YWHAZ: variants seen among roughly 807,000 people sequenced by gnomAD.
YWHAZ encodes tyrosine 3-monooxygenase/tryptophan 5-monooxygenase activation protein zeta, also known as 14-3-3 protein zeta/delta.
For synonymous variants in YWHAZ, 87 were observed against 103.6 expected (o/e 0.84, Z 0.97); for missense variants, 79 against 284.8 (o/e 0.28, Z 5.20).
Position 100,948,214 on chromosome 8 carries a change from C to G in YWHAZ, c.294+382G>C. ...CTACAATGAGTATCCTATTACATCT[C>G]TCTTACCTAAAGTATGTAAAATTCC... On this transcript the variant is annotated intron_variant, in intron 2 of 5. Transcript: ENST00000395958. The surrounding 1 kb of genome is among the most constrained non-coding windows in gnomAD (Gnocchi z 4.2). 7.5e-7 allele frequency: 1 copy of G among 1,326,876 alleles called. No homozygotes were observed. The highest frequency in any genetic ancestry group is 1.0e-6 in the Non-Finnish European group (1 of 981,974). The allele number at this position is 1,326,876 out of a possible 1,614,324, so 82.2% of individuals were successfully genotyped here. A position where few individuals can be genotyped will look rare whatever the true frequency, so the allele number is the denominator to read the frequency against.
At chr8:100,951,268 G>C in intron 1 of YWHAZ, 2 of 984,784 alleles carry the variant, frequency 2.0e-6, no homozygotes, top group Non-Finnish European at 2.4e-6. Context: ...CCTGGGCTCC[G>C]GCCCGCTCTC....
chr8:100,951,175 C>CA, intron 1 of YWHAZ: 1 of 985,324 alleles, frequency 1.0e-6, no homozygotes, highest in Non-Finnish European at 1.2e-6. Context: ...AGCCCCACCC[C>CA]AAAACCTCAC....
chr8:100,952,120 C>G, upstream of YWHAZ: 1 of 986,424 alleles, frequency 1.0e-6, no homozygotes, highest in Non-Finnish European at 1.2e-6. Context: ...ACGATGACGT[C>G]AAACGCTGCT....
At position 100,948,701 on chromosome 8, in the gene YWHAZ, T is replaced by C. The variant is rs1810487341; in HGVS notation, c.189A>G (p.Ser63=). The C allele has an allele frequency of 3.1e-6, 5 of 1,602,346 alleles. No individual in the cohort carries two copies. The highest frequency in any genetic ancestry group is 2.7e-5 in the African/African-American group (2 of 74,978). The part of the protein sequence containing the change: ...GARRSSWRVV[S]SIEQKTEGAE... The stretch of plus-strand genomic sequence containing the variant: ...CACCTTCCGTCTTTTGTTCAATACT[T>C]GAGACGACCCTCCAAGATGACCTAC... The change falls in exon 2 of 6, where the codon TCA becomes TCG. Residue 63 remains serine (S), a synonymous_variant. Transcript: ENST00000395958. This position sits in a 1 kb window ranked among gnomAD's most constrained non-coding sequence, Gnocchi z 4.2.
chr8:100,929,198 T>C (rs926747682), intron 2 of YWHAZ, among the ~76,000 whole-genome samples: 3 of 149,990 alleles, frequency 2.0e-5, no homozygotes, highest in Admixed American at 6.6e-5. Context: ...ACCTCAAACA[T>C]TGATTTTTTT....
At chr8:100,923,277 G>A (rs1460655434) in intron 5 of YWHAZ, 2 of 152,006 alleles carry the variant, frequency 1.3e-5, no homozygotes, top group East Asian at 3.8e-4. Flanking sequence ...TTCAAATCTA[G>A]TATTTATCTG....
At chr8:100,936,208 C>T (rs1201899248) in intron 2 of YWHAZ, among the ~76,000 whole-genome samples, 1 of 152,124 alleles carries the variant, frequency 6.6e-6, no homozygotes, top group Non-Finnish European at 1.5e-5. Context: ...CCTATTTTCC[C>T]CTTTGAAGAA....
chr8:100,924,782 G>A lies in YWHAZ; in HGVS notation c.418+134C>T, dbSNP rs1279420097. On this transcript the variant is annotated intron_variant, in intron 3 of 5. Transcript: ENST00000395958. The surrounding 1 kb of genome is among the most constrained non-coding windows in gnomAD (Gnocchi z 5.7). ...ATGAGGCAGTAGATGTGTATTCTCA[G>A]AACACAAAGAGCACTGCTACTCCTT... 3 of 1,129,762 alleles carry A rather than the reference G, an allele frequency of 2.7e-6. No individual in the cohort carries two copies. The highest frequency in any genetic ancestry group is 2.5e-5 in the East Asian group (1 of 40,504). 70.0% of individuals were successfully genotyped at this position (1,129,762 alleles called of 1,614,324 possible).
Position 100,947,110 on chromosome 8 carries a change from C to T in YWHAZ, c.294+1486G>A, listed in dbSNP as rs570660734. On this transcript the variant is annotated intron_variant, in intron 2 of 5. Coordinates refer to ENST00000395958, the MANE Select transcript of YWHAZ (RefSeq NM_145690.3). ...CTACTAAAAATACAAAAAAATTAGC[C>T]GGGCGCAGTGGCAGGCGCCTGTAGT... 2.0e-4 allele frequency among the ~76,000 whole-genome samples: 30 copies of T among 151,644 alleles called. No homozygotes were observed. In the East Asian group the frequency reaches 5.4e-3, roughly 27 times the overall value.
chr8:100,940,042 G>C (rs1814517630), intron 2 of YWHAZ, among the ~76,000 whole-genome samples: 1 of 131,654 alleles, frequency 7.6e-6, no homozygotes, highest in Non-Finnish European at 1.6e-5. Flanking sequence ...CAGCCTGGGG[G>C]ACAGAGCGAG....
At position 100,918,444 on chromosome 8, in the gene YWHAZ, A is replaced by ATATATATATAT. The variant is rs57486163; in HGVS notation, c.*2248_*2249insATATATATATA. The ATATATATATAT allele has an allele frequency of 1.6e-3, 179 of 108,700 alleles. No homozygotes were observed. The highest frequency in any genetic ancestry group is 2.0e-3 in the Non-Finnish European group (106 of 53,600). The allele number at this position is 108,700 out of a possible 1,614,324, so 6.7% of individuals were successfully genotyped here. A position where few individuals can be genotyped will look rare whatever the true frequency, so the allele number is the denominator to read the frequency against. On this transcript the variant is annotated 3_prime_UTR_variant, in exon 6 of 6. Transcript: ENST00000395958. ...TATATATATATATATATATATATAT[A>ATATATATATAT]ATTATTTTACCTCCTTGGCTTGGGG... is the stretch of plus-strand genomic sequence containing the variant.
intron 2 of YWHAZ, among the ~76,000 whole-genome samples, chr8:100,934,343 A>G (rs1207713725): frequency 1.3e-5 from 2 of 149,630 alleles, no homozygotes; most frequent in East Asian, 2.0e-4. Context: ...TTTTTTTAAA[A>G]GGAGGGTCTG....
In YWHAZ at chr8:100,948,094, A is replaced by G. The variant is rs375939289; in HGVS notation, c.294+502T>C. On this transcript the variant is annotated intron_variant, in intron 2 of 5. Coordinates refer to ENST00000395958, the MANE Select transcript of YWHAZ (RefSeq NM_145690.3). This position sits in a 1 kb window ranked among gnomAD's most constrained non-coding sequence, Gnocchi z 4.2. Reference sequence around the variant, plus strand: ...AAATTTACCTTCAAGAATTCAATGCAGGAAGAGGTTTCATAGTTGTGACGC... The same window carrying G: ...AAATTTACCTTCAAGAATTCAATGCGGGAAGAGGTTTCATAGTTGTGACGC... The G allele has an allele frequency of 1.3e-6, 2 of 1,534,622 alleles. No homozygotes were observed. Among genetic ancestry groups the G allele is most frequent in the Non-Finnish European group, 1.7e-6 (2 of 1,146,548 alleles).
At chr8:100,933,821 AATATAGCAAGACCCCATCTCT>A (rs773740140) in intron 2 of YWHAZ, among the ~76,000 whole-genome samples, 1 of 152,116 alleles carries the variant, frequency 6.6e-6, no homozygotes, top group Non-Finnish European at 1.5e-5. Context: ...CAGCCTAAGC[AATATAGCAAGACCCCATCTCT>A]ACTAAAAATA....
upstream of YWHAZ, chr8:100,952,922 T>A: frequency 5.0e-6 from 5 of 999,818 alleles, no homozygotes; most frequent in Non-Finnish European, 6.0e-6. Flanking sequence ...AGCCCCTGAG[T>A]GTGGCTGAGT....
In YWHAZ at chr8:100,924,772, T is replaced by C; in HGVS notation, c.418+144A>G. 1.0e-6 allele frequency: 1 copy of C among 963,506 alleles called. No homozygotes were observed. Among genetic ancestry groups the C allele is most frequent in the Non-Finnish European group, 1.5e-6 (1 of 654,960 alleles). 59.7% of individuals were successfully genotyped at this position (963,506 alleles called of 1,614,324 possible). ...GAATAGCAGTATGAGGCAGTAGATG[T>C]GTATTCTCAGAACACAAAGAGCACT... On this transcript the variant is annotated intron_variant, in intron 3 of 5. Transcript: ENST00000395958. This position sits in a 1 kb window ranked among gnomAD's most constrained non-coding sequence, Gnocchi z 5.7.
At position 100,948,919 on chromosome 8, in the gene YWHAZ, G is replaced by T; in HGVS notation, c.-11-19C>A. ...GGATGTTCTGCAGGGGGGAAAAAAG[G>T]AGTATTTAAAATTTTTCCCATCAAA... On this transcript the variant is annotated intron_variant, in intron 1 of 5. Coordinates refer to ENST00000395958, the MANE Select transcript of YWHAZ (RefSeq NM_145690.3). The surrounding 1 kb of genome is among the most constrained non-coding windows in gnomAD (Gnocchi z 4.2). 6.5e-7 allele frequency: 1 copy of T among 1,550,004 alleles called. No homozygotes were observed. Among genetic ancestry groups the T allele is most frequent in the South Asian group, 1.2e-5 (1 of 84,222 alleles).
chr8:100,938,090 A>G lies in YWHAZ; in HGVS notation c.294+10506T>C, dbSNP rs544665656. Among the ~76,000 whole-genome samples the G allele has an allele frequency of 7.9e-5, 12 of 152,292 alleles. No individual in the cohort carries two copies. In the South Asian group the frequency reaches 1.7e-3, roughly 21 times the overall value. ...GGTTGCGGTGAGCCAAGATCATGCCATTGTACTCCAGCCTGGGCAACAAGA... is the reference window on the plus strand; with the variant it reads ...GGTTGCGGTGAGCCAAGATCATGCCGTTGTACTCCAGCCTGGGCAACAAGA... On this transcript the variant is annotated intron_variant, in intron 2 of 5. Coordinates refer to ENST00000395958, the MANE Select transcript of YWHAZ (RefSeq NM_145690.3).
Position 100,918,983 on chromosome 8 carries a change from G to C in YWHAZ, c.*1710C>G, listed in dbSNP as rs761634525. 1 of 152,472 alleles carries C rather than the reference G, an allele frequency of 6.6e-6. No individual in the cohort carries two copies. The highest frequency in any genetic ancestry group is 1.5e-5 in the Non-Finnish European group (1 of 68,056). 9.4% of individuals were successfully genotyped at this position (152,472 alleles called of 1,614,324 possible). On this transcript the variant is annotated 3_prime_UTR_variant, in exon 6 of 6. Transcript: ENST00000395958. ...AGGAAGGATTTTAAAGGCAGACAATGACAGACCATTCAGGATAGGTAGGGT... is the reference window on the plus strand; with the variant it reads ...AGGAAGGATTTTAAAGGCAGACAATCACAGACCATTCAGGATAGGTAGGGT...
Sources: gnomAD v4.1 joint callset for allele counts (sites outside exome capture counted in the v4.1 genomes callset) on GRCh38, gnomAD v4.1.1 for gene constraint, Gnocchi (gnomAD v3.1) non-coding constraint, MANE v1.5 for transcripts, NCBI Gene and HGNC (gene_info 2026-07-23, HGNC 2026-07-21) for gene names.